PWP1: variants seen among roughly 807,000 people sequenced by gnomAD.
The protein encoded by PWP1 is periodic tryptophan protein 1 homolog.
PWP1 carries 47 observed loss-of-function variants against 69.9 expected under a neutral mutation model. The observed-to-expected ratio is 0.67, with a 90% CI of 0.53 to 0.86. The LOEUF is 0.86. Among genes scored for constraint, PWP1 ranks in the 40% least tolerant of loss-of-function variants. The pLI is 0.00. For missense variants in PWP1, 551 were observed against 608.8 expected, an observed-to-expected ratio of 0.91 and a Z score of 1.00; for synonymous variants, 222 against 208.2, an observed-to-expected ratio of 1.07 and a Z score of -0.57.
At chr12:107,704,783 G>T (rs765839770) in intron 11 of PWP1, 36 bp downstream of exon 11, 1 of 1,541,836 alleles carries the variant, frequency 6.5e-7, no homozygotes, top group Non-Finnish European at 9.0e-7. Flanking sequence ...GCTTTTCTAG[G>T]TTGCTAATGA....
In PWP1 at chr12:107,708,921, T is replaced by C; in HGVS notation, c.1078-5T>C. ...ATGACCTTGCCCATCTTTTACTCTT[T>C]CTAGGCCAGTACAGATGACGGCTTT... On this transcript the variant is annotated splice_region_variant and splice_polypyrimidine_tract_variant and intron_variant, in intron 11 of 14. Coordinates refer to ENST00000412830, the MANE Select transcript of PWP1 (RefSeq NM_007062.3). 6.2e-7 allele frequency: 1 copy of C among 1,612,598 alleles called. No homozygotes were observed. Among genetic ancestry groups the C allele is most frequent in the South Asian group, 1.1e-5 (1 of 91,030 alleles).
chr12:107,688,476 G>A lies in PWP1; in HGVS notation c.101G>A (p.Arg34His), dbSNP rs117231086. 7,331 of 1,613,966 alleles carry A rather than the reference G, an allele frequency of 4.5e-3. 211 individuals carry two copies. In the East Asian group the frequency reaches 0.074, roughly 16 times the overall value. Residue 34 changes from arginine to histidine, a missense_variant, in exon 2 of 15, where the codon CGC becomes CAC. Transcript: ENST00000412830. ...GAGCTGAGTAAAGAAGAAGTAAAAC[G>A]CCTCATTGCTGAGGCAAAGGAGAAA... Reference protein sequence around the residue: ...KVELSKEEVKRLIAEAKEKLQ... With the variant: ...KVELSKEEVKHLIAEAKEKLQ...
intron 3 of PWP1, among the ~76,000 whole-genome samples, chr12:107,692,395 A>G (rs1889497887): frequency 6.6e-6 from 1 of 152,186 alleles, no homozygotes; most frequent in Admixed American, 6.5e-5. Context: ...TCATTTCTCA[A>G]TTTTATTTGA....
At chr12:107,696,678 A>T in intron 6 of PWP1, 94 bp downstream of exon 6, 1 of 1,539,244 alleles carries the variant, frequency 6.5e-7, no homozygotes, top group Non-Finnish European at 8.8e-7. Flanking sequence ...TGTTTTCAGA[A>T]TTGTTGCTGA....
Position 107,699,133 on chromosome 12 carries a change from C to T in PWP1, c.745-240C>T, listed in dbSNP as rs141464716. On this transcript the variant is annotated intron_variant, in intron 7 of 14. Coordinates refer to ENST00000412830, the MANE Select transcript of PWP1 (RefSeq NM_007062.3). The stretch of plus-strand genomic sequence containing the variant: ...AATTAGCTGGGCATGGTGGCATGCG[C>T]GTGTAATCCCAGCTACTTGAGAGGC... Among the ~76,000 whole-genome samples, 24 of 152,146 alleles carry T rather than the reference C, an allele frequency of 1.6e-4. 1 individual carries two copies. Among genetic ancestry groups the T allele is most frequent in the Middle Eastern group, 3.4e-3 (1 of 294 alleles).
chr12:107,708,437 T>C (rs1197191027), intron 11 of PWP1, among the ~76,000 whole-genome samples: 1 of 152,202 alleles, frequency 6.6e-6, no homozygotes, highest in Non-Finnish European at 1.5e-5. Flanking sequence ...TCTTCTTTCT[T>C]TCTTGACAGT....
rs776339188 is a variant in PWP1, at chr12:107,703,758, C to T, written c.965+12C>T. On this transcript the variant is annotated intron_variant, in intron 10 of 14. Coordinates refer to ENST00000412830, the MANE Select transcript of PWP1 (RefSeq NM_007062.3). ...GGCTCATATGATAAGTAAGAAAGCA[C>T]AGCAAGAATGATTGCTACTCTGTTT... is the stretch of plus-strand genomic sequence containing the variant. The T allele has an allele frequency of 5.7e-6, 9 of 1,579,748 alleles. No homozygotes were observed. In the East Asian group the frequency reaches 1.8e-4, roughly 31 times the overall value.
At chr12:107,690,858 TA>T (rs1017358607) in intron 3 of PWP1, among the ~76,000 whole-genome samples, 1 of 151,774 alleles carries the variant, frequency 6.6e-6, no homozygotes, top group South Asian at 2.1e-4. Flanking sequence ...ATACAACATT[TA>T]AAAAAAAATC....
chr12:107,704,869 G>C (rs566612754), intron 11 of PWP1, 122 bp downstream of exon 11: 257 of 726,504 alleles, frequency 3.5e-4, no homozygotes, highest in Non-Finnish European at 5.2e-4. Context: ...TTTGGGTTTA[G>C]GGTTGAAAGC....
chr12:107,699,337 C>A (rs1308610208), intron 7 of PWP1, 36 bp from the exon 8 acceptor site: 2 of 1,513,692 alleles, frequency 1.3e-6, no homozygotes, highest in Non-Finnish European at 1.8e-6. Flanking sequence ...ATGAGGGGGA[C>A]TTTAATACAA....
In PWP1 at chr12:107,692,844, G is replaced by A; in HGVS notation, c.350G>A (p.Gly117Asp). 1 of 1,613,816 alleles carries A rather than the reference G, an allele frequency of 6.2e-7. No individual in the cohort carries two copies. Among genetic ancestry groups the A allele is most frequent in the Non-Finnish European group, 8.5e-7 (1 of 1,179,804 alleles). Residue 117 changes from glycine to aspartate, a missense_variant, in exon 4 of 15, where the codon GGT becomes GAT. Transcript: ENST00000412830. ...DAETLGESLLGLTVYGSNDQD... is the reference protein window; with the variant it reads ...DAETLGESLLDLTVYGSNDQD... ...GAGACTCTTGGTGAATCTCTCTTGG[G>A]TCTTACGGTCTACGGGAGTAATGAT... is the stretch of plus-strand genomic sequence containing the variant.
chr12:107,693,150 G>A, intron 5 of PWP1, 54 bp downstream of exon 5: 2 of 1,551,260 alleles, frequency 1.3e-6, no homozygotes, highest in South Asian at 2.5e-5. Flanking sequence ...AAAATAATAA[G>A]TGAAATAGTT....
chr12:107,706,260 A>ATTTG (rs1161740111), intron 11 of PWP1, among the ~76,000 whole-genome samples: 1 of 152,068 alleles, frequency 6.6e-6, no homozygotes, highest in South Asian at 2.1e-4. Flanking sequence ...TTTCTTGTAA[A>ATTTG]TTTGTTTGAG....
chr12:107,687,565 G>T (rs1460552067), intron 1 of PWP1, among the ~76,000 whole-genome samples: 1 of 152,178 alleles, frequency 6.6e-6, no homozygotes, highest in Non-Finnish European at 1.5e-5. Context: ...AAAAGAGATT[G>T]AATTTATGAA....
chr12:107,688,678 T>G lies in PWP1; in HGVS notation c.195T>G (p.Ser65Arg). ...TGSPSEDGMQ[S>R]ARTQARPREP... ...GTCCTTCAGAAGATGGCATGCAGAG[T>G]GCACGCACCCAGGCACGCCCAAGAG... Residue 65 changes from serine (S) to arginine (R), a missense_variant, in exon 3 of 15, where the codon AGT (serine) becomes AGG (arginine). Transcript: ENST00000412830. The G allele has an allele frequency of 6.2e-7, 1 of 1,614,102 alleles. No individual in the cohort carries two copies. Among genetic ancestry groups the G allele is most frequent in the Non-Finnish European group, 8.5e-7 (1 of 1,180,010 alleles).
At chr12:107,693,189 A>G in intron 5 of PWP1, 93 bp downstream of exon 5, 1 of 1,468,010 alleles carries the variant, frequency 6.8e-7, no homozygotes, top group Non-Finnish European at 9.0e-7. Context: ...GCCAGATCCT[A>G]TTGTATCTCA....
chr12:107,703,206 C>G (rs768105905), intron 9 of PWP1, among the ~76,000 whole-genome samples, 175 bp downstream of exon 9: 2 of 152,148 alleles, frequency 1.3e-5, no homozygotes, highest in Non-Finnish European at 2.9e-5. Context: ...GTATAATGCC[C>G]ATCTTAGAGA....
At position 107,702,923 on chromosome 12, in the gene PWP1, T is replaced by C; in HGVS notation, c.807-12T>C. 28 of 1,543,234 alleles carry C rather than the reference T, an allele frequency of 1.8e-5. No individual in the cohort carries two copies. The highest frequency in any genetic ancestry group is 2.5e-5 in the Non-Finnish European group (28 of 1,115,986). On this transcript the variant is annotated splice_polypyrimidine_tract_variant and intron_variant, in intron 8 of 14. Transcript: ENST00000412830. ...TTAAAAGATTACCTGATTGGATTCT[T>C]CCCTTTCTCAGAAATGTTTTAGCAA...
intron 11 of PWP1, among the ~76,000 whole-genome samples, chr12:107,707,571 A>G (rs1889848222): frequency 6.6e-6 from 1 of 152,206 alleles, no homozygotes; most frequent in South Asian, 2.1e-4. Context: ...GATATGTCTC[A>G]TCAATACCGA....
Sources: allele counts gnomAD v4.1 joint callset (sites outside exome capture counted in the v4.1 genomes callset), GRCh38; gene constraint gnomAD v4.1.1; transcripts MANE v1.5; gene names NCBI Gene and HGNC (gene_info 2026-07-23, HGNC 2026-07-21).